KATNIP: variants seen among roughly 807,000 people sequenced by gnomAD.
The protein encoded by KATNIP is katanin interacting protein.
In KATNIP, 126 loss-of-function variants were observed where a neutral mutation model predicts 174.0. The observed-to-expected ratio is 0.72, with a 90% CI of 0.63 to 0.84. The LOEUF is 0.84. Among genes scored for constraint, KATNIP ranks in the 40% least tolerant of loss-of-function variants. The pLI, the probability that KATNIP is intolerant of heterozygous loss-of-function variation, is 0.00. For missense variants in KATNIP, 1,958 were observed against 2,109.7 expected (o/e 0.93, Z 1.41); for synonymous variants, 810 against 835.7 (o/e 0.97, Z 0.53).
chr16:27,774,478 C>T (rs1241976483), intron 23 of KATNIP, among the ~76,000 whole-genome samples: 1 of 152,126 alleles, frequency 6.6e-6, no homozygotes, highest in Non-Finnish European at 1.5e-5. Context: ...AAGCTGGGTT[C>T]TGCAGATCAC....
chr16:27,761,134 G>A (rs916903912), intron 18 of KATNIP, among the ~76,000 whole-genome samples: 12 of 152,184 alleles, frequency 7.9e-5, no homozygotes, highest in African/African-American at 2.2e-4. Flanking sequence ...GTTCAGTGTC[G>A]GGTGGGACAG....
At chr16:27,671,150 G>A (rs1346449773) in intron 6 of KATNIP, among the ~76,000 whole-genome samples, 7 of 152,080 alleles carry the variant, frequency 4.6e-5, no homozygotes, top group Admixed American at 1.3e-4. Flanking sequence ...CTGAGATCGC[G>A]CCACTGCACT....
At position 27,749,673 on chromosome 16, in the gene KATNIP, G is replaced by C. The variant is rs747999930; in HGVS notation, c.2713G>C (p.Ala905Pro). ...TLHESWSSLS[A>P]FDRSHRGRIS... is the part of the protein sequence containing the mutation. ...TCACGAGTCATGGAGCTCCCTCAGTGCCTTCGACCGCTCCCACCGGGGACG... is the reference window on the plus strand; with the variant it reads ...TCACGAGTCATGGAGCTCCCTCAGTCCCTTCGACCGCTCCCACCGGGGACG... Residue 905 changes from alanine to proline, a missense_variant, in exon 16 of 28, where the codon GCC becomes CCC. Physicochemically the swap from Ala to Pro is conservative, Grantham distance 27. Transcript: ENST00000261588. 1.2e-5 allele frequency: 19 copies of C among 1,612,132 alleles called. No homozygotes were observed. The Admixed American group carries it at 3.2e-4, about 27-fold the overall frequency.
intron 2 of KATNIP, among the ~76,000 whole-genome samples, chr16:27,611,928 G>T (rs946044558): frequency 6.6e-6 from 1 of 152,190 alleles, no homozygotes; most frequent in African/African-American, 2.4e-5. Context: ...GTAGGGGAGA[G>T]AATGGCAAGG....
chr16:27,659,897 T>A, intron 6 of KATNIP: 2 of 416,406 alleles, frequency 4.8e-6, no homozygotes, highest in Non-Finnish European at 6.4e-6. Context: ...GCTGTTTGAC[T>A]TGGACTTAGA....
intron 6 of KATNIP, among the ~76,000 whole-genome samples, chr16:27,665,227 C>T (rs537614948): frequency 2.0e-5 from 3 of 151,748 alleles, no homozygotes; most frequent in Non-Finnish European, 4.4e-5. Flanking sequence ...CCTCAGCCTC[C>T]TGAGTAGCTG....
At chr16:27,700,042 C>T in intron 10 of KATNIP, among the ~76,000 whole-genome samples, 1 of 152,056 alleles carries the variant, frequency 6.6e-6, no homozygotes, top group East Asian at 1.9e-4. Flanking sequence ...TCCCAAGTAG[C>T]TGGGATTACA....
intron 8 of KATNIP, among the ~76,000 whole-genome samples, chr16:27,696,309 G>A (rs1259078437): frequency 2.0e-5 from 3 of 152,040 alleles, no homozygotes; most frequent in Non-Finnish European, 4.4e-5. Context: ...TTTTAAATAA[G>A]TTTTTGTTTT....
In KATNIP at chr16:27,613,373, G is replaced by A. The variant is rs546709921; in HGVS notation, c.64-5052G>A. On this transcript the variant is annotated intron_variant, in intron 2 of 27. Transcript: ENST00000261588. ...AGATGGATGGAAGTTTCAGTTTCTC[G>A]AGTCTTTCTGATGACATCTCCCTCC... is the stretch of plus-strand genomic sequence containing the variant. Among the ~76,000 whole-genome samples, 8 of 152,292 alleles carry A rather than the reference G, an allele frequency of 5.3e-5. No homozygotes were observed. In the East Asian group the frequency reaches 7.7e-4, roughly 15 times the overall value.
At chr16:27,695,993 T>G (rs1264145657) in intron 8 of KATNIP, among the ~76,000 whole-genome samples, 2 of 152,200 alleles carry the variant, frequency 1.3e-5, no homozygotes, top group Non-Finnish European at 1.5e-5. Flanking sequence ...TTTAGTATTC[T>G]TTTCTTTTTA....
At chr16:27,619,420 G>T (rs1179415576) in intron 3 of KATNIP, among the ~76,000 whole-genome samples, 2 of 152,216 alleles carry the variant, frequency 1.3e-5, no homozygotes, top group South Asian at 2.1e-4. Context: ...AGAACTGGTG[G>T]GGGGAAGGGG....
At chr16:27,685,622 G>C (rs2078493939) in intron 8 of KATNIP, among the ~76,000 whole-genome samples, 1 of 152,192 alleles carries the variant, frequency 6.6e-6, no homozygotes, top group Non-Finnish European at 1.5e-5. Context: ...AGTTCTTAGG[G>C]TAGTTTGTTC....
intron 13 of KATNIP, among the ~76,000 whole-genome samples, chr16:27,716,248 A>G (rs1304021562): frequency 6.6e-6 from 1 of 152,200 alleles, no homozygotes; most frequent in Non-Finnish European, 1.5e-5. Flanking sequence ...AAATGTCCCG[A>G]ATAGGCAAAT....
chr16:27,599,204 G>C (rs2075435150), intron 2 of KATNIP, among the ~76,000 whole-genome samples: 1 of 152,214 alleles, frequency 6.6e-6, no homozygotes, highest in Non-Finnish European at 1.5e-5. Flanking sequence ...GCCTGGGATG[G>C]AGGCCAGCAG....
rs1156871328 is a variant in KATNIP at position 27,765,753 on chromosome 16, GTCC to G, written c.3810-553_3810-551del. Among the ~76,000 whole-genome samples, 7 of 152,164 alleles carry G rather than the reference GTCC, an allele frequency of 4.6e-5. No homozygotes were observed. In the East Asian group the frequency reaches 1.3e-3, roughly 29 times the overall value. On this transcript the variant is annotated intron_variant, in intron 19 of 27. Coordinates refer to ENST00000261588, the MANE Select transcript of KATNIP (RefSeq NM_015202.5). Reference sequence around the variant, plus strand: ...TTTTGCACACTCTCTCCTGGTCCTTGTCCTCATTTCTCAGCTTTATAATCAGTG... The same window carrying G: ...TTTTGCACACTCTCTCCTGGTCCTTGTCATTTCTCAGCTTTATAATCAGTG...
chr16:27,552,790 G>C (rs998532111), intron 1 of KATNIP, among the ~76,000 whole-genome samples: 1 of 151,426 alleles, frequency 6.6e-6, no homozygotes, highest in Non-Finnish European at 1.5e-5. Flanking sequence ...CGCCTCCCGG[G>C]TTCAAGCGAT....
At chr16:27,666,997 C>T (rs2077709715) in intron 6 of KATNIP, among the ~76,000 whole-genome samples, 1 of 152,104 alleles carries the variant, frequency 6.6e-6, no homozygotes, top group African/African-American at 2.4e-5. Flanking sequence ...AGCAGTCACA[C>T]CTGCTTATGG....
At chr16:27,600,743 T>C (rs924372868) in intron 2 of KATNIP, among the ~76,000 whole-genome samples, 7 of 151,856 alleles carry the variant, frequency 4.6e-5, no homozygotes, top group Admixed American at 3.3e-4. Flanking sequence ...TTTTTTTTTT[T>C]TTTTAGACGG....
intron 2 of KATNIP, among the ~76,000 whole-genome samples, chr16:27,584,812 G>A (rs1306615593): frequency 6.6e-6 from 1 of 151,900 alleles, no homozygotes; most frequent in Non-Finnish European, 1.5e-5. Context: ...AAATCATGTT[G>A]ACATCTGTTG....
Sources: allele counts gnomAD v4.1 joint callset (sites outside exome capture counted in the v4.1 genomes callset), GRCh38; gene constraint gnomAD v4.1.1; transcripts MANE v1.5; gene names NCBI Gene and HGNC (gene_info 2026-07-23, HGNC 2026-07-21).